Variants in PCDH9 observed in about 807,000 individuals in gnomAD.
The protein encoded by PCDH9 is protocadherin-9.
In PCDH9, 24 loss-of-function variants were observed where a neutral mutation model predicts 70.6. The ratio of observed to expected loss-of-function variants is 0.34; its 90% CI spans 0.25 to 0.48. The LOEUF (loss-of-function observed/expected upper bound fraction) is 0.48. Among genes scored for constraint, PCDH9 ranks in the 20% least tolerant of loss-of-function variants. PCDH9 has a pLI of 0.99. For synonymous variants in PCDH9, 562 were observed against 558.5 expected (o/e 1.01, Z -0.09); for missense variants, 1,281 against 1,503.6 (o/e 0.85, Z 2.45).
In PCDH9 at chr13:66,430,006, C is replaced by T. The variant is rs547077918; in HGVS notation, c.3341-124978G>A. ...ACCACACTTTAAGTAGCCAAAAGAG[C>T]TCTCTTGTATATAGATAGATTCAAA... On this transcript the variant is annotated intron_variant, in intron 4 of 4. Coordinates refer to ENST00000377865, the MANE Select transcript of PCDH9 (RefSeq NM_203487.3). Among the ~76,000 whole-genome samples, 13 of 152,172 alleles carry T rather than the reference C, an allele frequency of 8.5e-5. No homozygotes were observed. In the South Asian group the frequency reaches 2.7e-3, roughly 32 times the overall value.
At chr13:66,589,701 G>A (rs544584194) in intron 4 of PCDH9, among the ~76,000 whole-genome samples, 11 of 152,128 alleles carry the variant, frequency 7.2e-5, no homozygotes, top group African/African-American at 2.4e-4. Context: ...TCCTTCCAGG[G>A]TGGGCAACAG....
intron 2 of PCDH9, among the ~76,000 whole-genome samples, chr13:67,143,140 T>C (rs762498667): frequency 3.0e-4 from 46 of 152,318 alleles, no homozygotes; most frequent in South Asian, 8.3e-4. Flanking sequence ...TCTCCTAATG[T>C]ATATTAACTA....
At chr13:66,746,710 G>T (rs1367869504) in intron 3 of PCDH9, among the ~76,000 whole-genome samples, 1 of 152,080 alleles carries the variant, frequency 6.6e-6, no homozygotes, top group South Asian at 2.1e-4. Flanking sequence ...TAGGAAATTT[G>T]AAATCAAACT....
intron 3 of PCDH9, among the ~76,000 whole-genome samples, chr13:66,631,889 T>C (rs1367777063): frequency 6.6e-6 from 1 of 151,666 alleles, no homozygotes; most frequent in African/African-American, 2.4e-5. Context: ...CACCTCCTTT[T>C]TGTTTGTTTG....
At chr13:66,345,124 A>G (rs558056383) in intron 4 of PCDH9, among the ~76,000 whole-genome samples, 61 of 152,266 alleles carry the variant, frequency 4.0e-4, no homozygotes, top group African/African-American at 1.2e-3. Context: ...AATTCGGGTA[A>G]TGAACAGCTG....
chr13:66,735,423 T>C (rs1288478245), intron 3 of PCDH9, among the ~76,000 whole-genome samples: 1 of 152,158 alleles, frequency 6.6e-6, no homozygotes, highest in African/African-American at 2.4e-5. Context: ...GGATATACCA[T>C]ATCACATACA....
intron 4 of PCDH9, among the ~76,000 whole-genome samples, chr13:66,528,141 T>A (rs1960293079): frequency 6.6e-6 from 1 of 152,134 alleles, no homozygotes; most frequent in South Asian, 2.1e-4. Context: ...TCACCAACTC[T>A]CAGTTGACTA....
At chr13:66,324,359 G>A (rs979801908) in intron 4 of PCDH9, among the ~76,000 whole-genome samples, 3 of 152,010 alleles carry the variant, frequency 2.0e-5, no homozygotes, top group Non-Finnish European at 1.5e-5. Flanking sequence ...CAAGAGAAAC[G>A]TTAGAGAGCA....
At chr13:66,980,606 T>C (rs1289551599) in intron 2 of PCDH9, among the ~76,000 whole-genome samples, 1 of 151,980 alleles carries the variant, frequency 6.6e-6, no homozygotes, top group African/African-American at 2.4e-5. Flanking sequence ...TTTTTATTTT[T>C]CCATTACAAT....
chr13:66,450,908 T>C (rs573126990), intron 4 of PCDH9, among the ~76,000 whole-genome samples: 2 of 152,052 alleles, frequency 1.3e-5, no homozygotes, highest in Non-Finnish European at 2.9e-5. Context: ...TCCCAGCTAC[T>C]TGGGAGGCTG....
At chr13:67,046,122 T>G (rs886924548) in intron 2 of PCDH9, among the ~76,000 whole-genome samples, 1 of 152,138 alleles carries the variant, frequency 6.6e-6, no homozygotes, top group African/African-American at 2.4e-5. Context: ...TATTATAATA[T>G]GTTAAGAATG....
At chr13:67,112,787 G>C (rs979845185) in intron 2 of PCDH9, among the ~76,000 whole-genome samples, 11 of 151,602 alleles carry the variant, frequency 7.3e-5, no homozygotes, top group African/African-American at 2.7e-4. Flanking sequence ...GAACAATCAC[G>C]GTTAACTGCA....
intron 2 of PCDH9, among the ~76,000 whole-genome samples, chr13:66,992,688 A>G (rs150100692): frequency 8.9e-4 from 136 of 152,298 alleles, no homozygotes; most frequent in African/African-American, 3.1e-3. Flanking sequence ...AAAGCCCTGA[A>G]CAAGTTTGAA....
At chr13:66,715,422 A>G (rs182042569) in intron 3 of PCDH9, among the ~76,000 whole-genome samples, 44 of 152,286 alleles carry the variant, frequency 2.9e-4, no homozygotes, top group Admixed American at 9.8e-4. Flanking sequence ...TGATGCAATT[A>G]ATAAGAAGAT....
chr13:67,024,734 G>A (rs2084745708), intron 2 of PCDH9, among the ~76,000 whole-genome samples: 1 of 152,040 alleles, frequency 6.6e-6, no homozygotes, highest in African/African-American at 2.4e-5. Context: ...CTAGACTTGA[G>A]ACACTGAAGA....
chr13:67,224,880 T>G, intron 2 of PCDH9: 1 of 983,988 alleles, frequency 1.0e-6, no homozygotes, highest in Non-Finnish European at 1.2e-6. Context: ...TCAACGATCA[T>G]GTGCTTCACA....
chr13:67,018,017 A>C (rs2084595805), intron 2 of PCDH9, among the ~76,000 whole-genome samples: 1 of 152,138 alleles, frequency 6.6e-6, no homozygotes, highest in East Asian at 1.9e-4. Context: ...TTGTTCTGTT[A>C]ATTTTTTTGA....
At chr13:67,193,050 T>C (rs1593597522) in intron 2 of PCDH9, among the ~76,000 whole-genome samples, 1 of 152,144 alleles carries the variant, frequency 6.6e-6, no homozygotes. Flanking sequence ...TGGAAATATG[T>C]ATCTGAAATC....
intron 3 of PCDH9, chr13:66,880,046 AAAG>A (rs747841185): frequency 1.3e-5 from 2 of 152,224 alleles, no homozygotes; most frequent in Non-Finnish European, 2.9e-5. Context: ...ACAGGACAAG[AAAG>A]AAGATGTTTT....
Sources: allele counts gnomAD v4.1 joint callset (sites outside exome capture counted in the v4.1 genomes callset), GRCh38; gene constraint gnomAD v4.1.1; transcripts MANE v1.5; gene names NCBI Gene and HGNC (gene_info 2026-07-23, HGNC 2026-07-21).